Variants in ASXL3 observed in about 807,000 individuals in gnomAD.
The protein encoded by ASXL3 is ASXL transcriptional regulator 3, also known as putative Polycomb group protein ASXL3.
A neutral mutation model predicts 170.6 loss-of-function variants in ASXL3; 34 were observed. The ratio of observed to expected loss-of-function variants is 0.20; its 90% CI spans 0.15 to 0.27. ASXL3 has a LOEUF of 0.27. ASXL3 is among the 10% of genes least tolerant of loss of function. The probability of loss-of-function intolerance (pLI) is 1.00; values close to 1 mark genes in which losing one functional copy is unlikely to be tolerated. For missense variants in ASXL3, 2,592 were observed against 2,695.3 expected, an observed-to-expected ratio of 0.96 and a Z score of 0.85; for synonymous variants, 1,002 against 989.1, an observed-to-expected ratio of 1.01 and a Z score of -0.24.
chr18:33,618,272 C>T (rs1051574355), intron 2 of ASXL3, among the ~76,000 whole-genome samples: 1 of 151,994 alleles, frequency 6.6e-6, no homozygotes, highest in Non-Finnish European at 1.5e-5. Flanking sequence ...GAACTCAGGT[C>T]GTTTTTCTAT....
chr18:33,591,239 T>C (rs1427621877), intron 1 of ASXL3, among the ~76,000 whole-genome samples: 1 of 152,218 alleles, frequency 6.6e-6, no homozygotes, highest in Non-Finnish European at 1.5e-5. Flanking sequence ...TTTTTTTCTC[T>C]CCTTCTCCCT....
Position 33,673,316 on chromosome 18 carries a change from C to T in ASXL3, c.715+1450C>T, listed in dbSNP as rs560181142. ...TTTATTTCCTTAGTAACTTCAGGAG[C>T]GAAAGTTACTAAGGTATACCCTTAT... On this transcript the variant is annotated intron_variant, in intron 7 of 11. Transcript: ENST00000269197. Among the ~76,000 whole-genome samples the T allele has an allele frequency of 3.5e-4, 53 of 151,618 alleles. No individual in the cohort carries two copies. In the South Asian group the frequency reaches 8.8e-3, roughly 25 times the overall value.
intron 7 of ASXL3, among the ~76,000 whole-genome samples, chr18:33,672,731 GATA>G (rs1235060309): frequency 6.6e-6 from 1 of 152,168 alleles, no homozygotes; most frequent in Admixed American, 6.5e-5. Context: ...GGCAACTTGA[GATA>G]ATTCTTATTT....
At chr18:33,742,739 C>A in intron 11 of ASXL3, 149 bp from the exon 12 acceptor site, 1 of 1,194,488 alleles carries the variant, frequency 8.4e-7, no homozygotes. Context: ...GCTTTATGCC[C>A]TAAGGGTGCA....
intron 2 of ASXL3, among the ~76,000 whole-genome samples, chr18:33,632,451 C>A (rs2145174614): frequency 6.6e-6 from 1 of 152,246 alleles, no homozygotes; most frequent in Admixed American, 6.5e-5. Context: ...GATGCATGTA[C>A]ATATCTGAAT....
chr18:33,591,992 G>A (rs759465373), intron 1 of ASXL3, among the ~76,000 whole-genome samples: 5 of 152,046 alleles, frequency 3.3e-5, no homozygotes, highest in African/African-American at 9.7e-5. Context: ...ATGAACTCAT[G>A]AAAGTTAAAC....
intron 8 of ASXL3, among the ~76,000 whole-genome samples, chr18:33,714,475 T>C (rs768524367): frequency 6.6e-6 from 1 of 152,204 alleles, no homozygotes; most frequent in Non-Finnish European, 1.5e-5. Context: ...CATAGAACTT[T>C]AGATCTTGAA....
At chr18:33,617,145 G>A (rs947861234) in intron 2 of ASXL3, among the ~76,000 whole-genome samples, 2 of 152,064 alleles carry the variant, frequency 1.3e-5, no homozygotes, top group Non-Finnish European at 2.9e-5. Context: ...CTACTCATAT[G>A]TGTTTTCATA....
chr18:33,659,324 T>G (rs2066134665), intron 4 of ASXL3, among the ~76,000 whole-genome samples: 1 of 152,120 alleles, frequency 6.6e-6, no homozygotes, highest in Non-Finnish European at 1.5e-5. Flanking sequence ...AGAAGCATTC[T>G]CATATTTTCC....
chr18:33,667,979 C>T (rs934056323), intron 5 of ASXL3, among the ~76,000 whole-genome samples: 1 of 152,134 alleles, frequency 6.6e-6, no homozygotes, highest in African/African-American at 2.4e-5. Flanking sequence ...AAGGTAAACT[C>T]TGCTAACCAC....
intron 1 of ASXL3, among the ~76,000 whole-genome samples, chr18:33,597,776 C>T (rs2065142261): frequency 6.9e-6 from 1 of 144,872 alleles, no homozygotes; most frequent in African/African-American, 2.6e-5. Flanking sequence ...GTATTGGTGT[C>T]TCAGTTCTCT....
At chr18:33,683,293 A>G (rs1023655636) in intron 7 of ASXL3, 112 bp from the exon 8 acceptor site, 8 of 929,264 alleles carry the variant, frequency 8.6e-6, no homozygotes, top group African/African-American at 1.7e-5. Context: ...AGAAGTAAAC[A>G]TAAAATTGAA....
rs149652524 is a variant in ASXL3, at chr18:33,588,447, G to A, written c.54+9762G>A. Among the ~76,000 whole-genome samples the A allele has an allele frequency of 5.1e-3, 768 of 151,842 alleles. 6 individuals carry two copies. Among genetic ancestry groups the A allele is most frequent in the African/African-American group, 0.017 (709 of 41,332 alleles). On this transcript the variant is annotated intron_variant, in intron 1 of 11. Coordinates refer to ENST00000269197, the MANE Select transcript of ASXL3 (RefSeq NM_030632.3). ...GCCTGATAAATAGGGATCAATAGAG[G>A]CTGGGCAGTGAAAACACATAGACAA...
At chr18:33,642,603 T>G (rs1458703044) in intron 2 of ASXL3, among the ~76,000 whole-genome samples, 1 of 151,916 alleles carries the variant, frequency 6.6e-6, no homozygotes, top group Non-Finnish European at 1.5e-5. Flanking sequence ...ATTGAGACTT[T>G]GGAGATGTTG....
At chr18:33,593,172 C>A (rs1485179412) in intron 1 of ASXL3, among the ~76,000 whole-genome samples, 2 of 151,774 alleles carry the variant, frequency 1.3e-5, no homozygotes, top group Non-Finnish European at 2.9e-5. Context: ...CAGATTTCCA[C>A]ACCACTGAGA....
At chr18:33,615,217 T>C (rs1209425275) in intron 2 of ASXL3, among the ~76,000 whole-genome samples, 1 of 152,174 alleles carries the variant, frequency 6.6e-6, no homozygotes, top group African/African-American at 2.4e-5. Context: ...TTGCTGGGGC[T>C]TCTACATTAG....
chr18:33,659,588 T>C (rs1348805614), intron 4 of ASXL3, among the ~76,000 whole-genome samples: 2 of 152,158 alleles, frequency 1.3e-5, no homozygotes. Flanking sequence ...TTGAAAAGGC[T>C]ATCTGTATTA....
chr18:33,639,289 A>G (rs1013313987), intron 2 of ASXL3, among the ~76,000 whole-genome samples: 2 of 152,150 alleles, frequency 1.3e-5, no homozygotes, highest in African/African-American at 4.8e-5. Context: ...TGTGACCTAG[A>G]GAAGTCCAAT....
At position 33,661,624 on chromosome 18, in the gene ASXL3, A is replaced by C. The variant is rs2066175125; in HGVS notation, c.364A>C (p.Lys122Gln). ...TCTCTCTCTGTTTCTAGTTTGTTCG[A>C]AGCAGGTAACTGATGAAGCATCTTC... ...AHGEENGVCS[K>Q]QVTDEASSTR... The change falls in exon 5 of 12, where the codon AAG becomes CAG. Residue 122 changes from lysine to glutamine, a missense_variant. Lys to Gln is a moderately conservative substitution (Grantham distance 53). Transcript: ENST00000269197. 1.2e-5 allele frequency: 20 copies of C among 1,610,316 alleles called. No homozygotes were observed. Among genetic ancestry groups the C allele is most frequent in the Non-Finnish European group, 1.7e-5 (20 of 1,178,068 alleles).
Sources: gnomAD v4.1 joint callset for allele counts (sites outside exome capture counted in the v4.1 genomes callset) on GRCh38, gnomAD v4.1.1 for gene constraint, MANE v1.5 for transcripts, NCBI Gene and HGNC (gene_info 2026-07-23, HGNC 2026-07-21) for gene names.